EPHA8: variants seen among roughly 807,000 people sequenced by gnomAD.
EPHA8 encodes ephrin type-A receptor 8.
Under a neutral mutation model 103.6 loss-of-function variants are expected in EPHA8, and 58 were observed. That is an observed-to-expected ratio of 0.56 (90% CI 0.45 to 0.70). EPHA8 has a LOEUF of 0.70. Among genes scored for constraint, EPHA8 ranks in the 30% least tolerant of loss-of-function variants. EPHA8 has a pLI of 0.00. For synonymous variants in EPHA8, 559 were observed against 572.5 expected, an observed-to-expected ratio of 0.98 and a Z score of 0.34; for missense variants, 1,304 against 1,395.2, an observed-to-expected ratio of 0.93 and a Z score of 1.04.
At chr1:22,570,100 A>C (rs1640481844) in intron 2 of EPHA8, among the ~76,000 whole-genome samples, 1 of 152,188 alleles carries the variant, frequency 6.6e-6, no homozygotes, top group Non-Finnish European at 1.5e-5. Flanking sequence ...CAGATGACAC[A>C]GTCTTGGCAC....
At chr1:22,594,203 A>G (rs1019529989) in intron 7 of EPHA8, among the ~76,000 whole-genome samples, 8 of 152,036 alleles carry the variant, frequency 5.3e-5, no homozygotes, top group Non-Finnish European at 1.5e-5. Flanking sequence ...TCCTGACCTC[A>G]GGTGATCTCC....
chr1:22,600,166 CAGGA>C (rs1641677333), intron 13 of EPHA8, among the ~76,000 whole-genome samples: 1 of 71,362 alleles, frequency 1.4e-5, no homozygotes, highest in East Asian at 4.5e-4. Flanking sequence ...AGGAGGGAGG[CAGGA>C]AGGAAGGAAA....
At chr1:22,600,458 A>G (rs1047899310) in intron 13 of EPHA8, among the ~76,000 whole-genome samples, 1 of 151,964 alleles carries the variant, frequency 6.6e-6, no homozygotes, top group Non-Finnish European at 1.5e-5. Flanking sequence ...TGCTTGTACC[A>G]GGCGTCTCAC....
intron 1 of EPHA8, among the ~76,000 whole-genome samples, chr1:22,566,884 C>A: frequency 6.6e-6 from 1 of 151,700 alleles, no homozygotes; most frequent in East Asian, 1.9e-4. Context: ...GAGATGGGGA[C>A]AGAGGAAGAG....
Position 22,564,625 on chromosome 1 carries a change from G to A in EPHA8, c.94+896G>A, listed in dbSNP as rs556203381. 4.2e-3 allele frequency among the ~76,000 whole-genome samples: 639 copies of A among 152,152 alleles called. 2 individuals are homozygous for A. Among genetic ancestry groups the A allele is most frequent in the African/African-American group, 0.015 (605 of 41,490 alleles). ...ATGACTTCTGGTGGTGGGGGCACAA[G>A]AAGAGCTGAGAGGGAGCACCTAAGC... On this transcript the variant is annotated intron_variant, in intron 1 of 16. Coordinates refer to ENST00000166244, the MANE Select transcript of EPHA8 (RefSeq NM_020526.5).
chr1:22,564,172 G>A (rs1412515132), intron 1 of EPHA8, among the ~76,000 whole-genome samples: 1 of 151,392 alleles, frequency 6.6e-6, no homozygotes, highest in Non-Finnish European at 1.5e-5. Flanking sequence ...GAATGGGGGA[G>A]GAGGTTCAGA....
intron 3 of EPHA8, among the ~76,000 whole-genome samples, chr1:22,578,203 CGA>C (rs1557559964): frequency 2.6e-5 from 2 of 77,098 alleles, no homozygotes; most frequent in Admixed American, 1.7e-4. Context: ...TGTGTGCGTG[CGA>C]GTGTGTGCGT....
At position 22,601,995 on chromosome 1, in the gene EPHA8, G is replaced by A. The variant is rs999858434; in HGVS notation, c.*254G>A. 1 of 569,472 alleles carries A rather than the reference G, an allele frequency of 1.8e-6. No individual in the cohort carries two copies. Among genetic ancestry groups the A allele is most frequent in the Admixed American group, 3.3e-5 (1 of 29,886 alleles). The allele number at this position is 569,472 out of a possible 1,614,324, so 35.3% of individuals were successfully genotyped here. On this transcript the variant is annotated 3_prime_UTR_variant, in exon 17 of 17. Transcript: ENST00000166244. ...GCACCTTCTCTTTTCCAGAGCCTGGGGCCTCCACGTCACAGAGTCCAACAG... is the reference window on the plus strand; with the variant it reads ...GCACCTTCTCTTTTCCAGAGCCTGGAGCCTCCACGTCACAGAGTCCAACAG...
Position 22,576,903 on chromosome 1 carries a change from A to G in EPHA8, c.823+23A>G. ...TGGGTGAGCGCGCCATGGCCTGGGCATGGGTCAGCCGGCAGCGGTGCTTGG... is the reference window on the plus strand; with the variant it reads ...TGGGTGAGCGCGCCATGGCCTGGGCGTGGGTCAGCCGGCAGCGGTGCTTGG... On this transcript the variant is annotated intron_variant, in intron 3 of 16. Coordinates refer to ENST00000166244, the MANE Select transcript of EPHA8 (RefSeq NM_020526.5). This position sits in a 1 kb window ranked among gnomAD's most constrained non-coding sequence, Gnocchi z 4.8. The G allele has an allele frequency of 2.6e-6, 4 of 1,560,694 alleles. No individual in the cohort carries two copies. The highest frequency in any genetic ancestry group is 3.5e-6 in the Non-Finnish European group (4 of 1,149,886).
Position 22,569,572 on chromosome 1 carries a change from T to A in EPHA8, c.159+219T>A, listed in dbSNP as rs948678170. On this transcript the variant is annotated intron_variant, in intron 2 of 16. Transcript: ENST00000166244. This position sits in a 1 kb window ranked among gnomAD's most constrained non-coding sequence, Gnocchi z 4.5. ...ACCAACCCTGGCACCAGATCCCTGA[T>A]TCTTCAAGTCTGAGGCCCTAGGTCC... Among the ~76,000 whole-genome samples, 23 of 152,162 alleles carry A rather than the reference T, an allele frequency of 1.5e-4. No homozygotes were observed. The highest frequency in any genetic ancestry group is 5.3e-4 in the African/African-American group (22 of 41,442).
At chr1:22,573,484 T>G (rs1176137133) in intron 2 of EPHA8, among the ~76,000 whole-genome samples, 1 of 152,146 alleles carries the variant, frequency 6.6e-6, no homozygotes, top group Non-Finnish European at 1.5e-5. Context: ...GCCCATGACC[T>G]TCTCTCTAGT....
chr1:22,576,359 T>G lies in EPHA8; in HGVS notation c.302T>G (p.Ile101Ser). The G allele has an allele frequency of 6.2e-7, 1 of 1,613,170 alleles. No homozygotes were observed. Among genetic ancestry groups the G allele is most frequent in the Non-Finnish European group, 8.5e-7 (1 of 1,179,932 alleles). Residue 101 changes from isoleucine (I) to serine (S), a missense_variant, in exon 3 of 17, where the codon ATC (isoleucine) becomes AGC (serine). Coordinates refer to ENST00000166244, the MANE Select transcript of EPHA8 (RefSeq NM_020526.5). The surrounding 1 kb of genome is among the most constrained non-coding windows in gnomAD (Gnocchi z 4.8). ...GGCGCCCGGCGCGTCTATGCTGAGA[T>G]CAAGTTTACCCTGCGCGACTGCAAC... ...RDGARRVYAE[I>S]KFTLRDCNSM...
intron 1 of EPHA8, among the ~76,000 whole-genome samples, chr1:22,568,478 C>T (rs931836349): frequency 8.5e-5 from 13 of 152,334 alleles, no homozygotes; most frequent in Admixed American, 8.5e-4. Context: ...ATGGCAGCTC[C>T]GCCAGCTACA....
chr1:22,577,897 ATGTG>A (rs367838121), intron 3 of EPHA8, among the ~76,000 whole-genome samples: 18 of 65,824 alleles, frequency 2.7e-4, no homozygotes, highest in East Asian at 1.5e-3. Flanking sequence ...GAGTGTGTGC[ATGTG>A]TGTGTATGTG....
At chr1:22,594,053 G>A (rs930268379) in intron 7 of EPHA8, among the ~76,000 whole-genome samples, 11 of 152,138 alleles carry the variant, frequency 7.2e-5, no homozygotes, top group African/African-American at 2.4e-4. Flanking sequence ...GGCTGGTCTC[G>A]AACACCTGAC....
intron 3 of EPHA8, 95 bp from the exon 4 acceptor site, chr1:22,586,385 A>C (rs2148248920): frequency 6.9e-7 from 1 of 1,447,126 alleles, no homozygotes; most frequent in East Asian, 2.3e-5. Context: ...CCTCTGGGGC[A>C]CCCCCCAGGA....
In EPHA8 at chr1:22,593,464, G is replaced by C; in HGVS notation, c.1440+14G>C. The C allele has an allele frequency of 6.2e-7, 1 of 1,610,346 alleles. No individual in the cohort carries two copies. Among genetic ancestry groups the C allele is most frequent in the Non-Finnish European group, 8.5e-7 (1 of 1,177,916 alleles). ...TACTACGAGAAGGTACCACGGGCAGGACGGAGTGGGAGGGGCTGGGCCAGC... is the reference window on the plus strand; with the variant it reads ...TACTACGAGAAGGTACCACGGGCAGCACGGAGTGGGAGGGGCTGGGCCAGC... On this transcript the variant is annotated intron_variant, in intron 6 of 16. Transcript: ENST00000166244.
At chr1:22,580,224 C>G (rs1211036690) in intron 3 of EPHA8, among the ~76,000 whole-genome samples, 7 of 149,580 alleles carry the variant, frequency 4.7e-5, no homozygotes, top group African/African-American at 1.7e-4. Flanking sequence ...TCTGCAACCT[C>G]CGCCTCCCGG....
rs775926912 is a variant in EPHA8 at position 22,589,914 on chromosome 1, G to A, written c.1315+708G>A. Reference sequence around the variant, plus strand: ...CCCAAAACCACACAGCCCTGGCCTCGCAGACAATATGCCCACCACGTCACA... The same window carrying A: ...CCCAAAACCACACAGCCCTGGCCTCACAGACAATATGCCCACCACGTCACA... On this transcript the variant is annotated intron_variant, in intron 5 of 16. Coordinates refer to ENST00000166244, the MANE Select transcript of EPHA8 (RefSeq NM_020526.5). This position sits in a 1 kb window ranked among gnomAD's most constrained non-coding sequence, Gnocchi z 4.3. Among the ~76,000 whole-genome samples, 3 of 151,800 alleles carry A rather than the reference G, an allele frequency of 2.0e-5. No individual in the cohort carries two copies. Among genetic ancestry groups the A allele is most frequent in the Non-Finnish European group, 4.4e-5 (3 of 67,956 alleles).
Sources: gnomAD v4.1 joint callset for allele counts (sites outside exome capture counted in the v4.1 genomes callset) on GRCh38, gnomAD v4.1.1 for gene constraint, Gnocchi (gnomAD v3.1) non-coding constraint, MANE v1.5 for transcripts, NCBI Gene and HGNC (gene_info 2026-07-23, HGNC 2026-07-21) for gene names.